DSCAML1: variants seen among roughly 807,000 people sequenced by gnomAD.
DSCAML1 encodes the protein cell adhesion molecule DSCAML1.
Under a neutral mutation model 200.5 loss-of-function variants are expected in DSCAML1, and 38 were observed. That is an observed-to-expected ratio of 0.19 (90% CI 0.15 to 0.25). DSCAML1 has a LOEUF of 0.25. Ranked by LOEUF, DSCAML1 falls within the 10% of genes least tolerant of loss-of-function variation. The pLI, the probability that DSCAML1 is intolerant of heterozygous loss-of-function variation, is 1.00. For missense variants in DSCAML1, 2,223 were observed against 2,858.8 expected (o/e 0.78, Z 5.07); for synonymous variants, 1,215 against 1,165.0 (o/e 1.04, Z -0.87).
At chr11:117,436,287 G>C (rs939702817) in intron 26 of DSCAML1, among the ~76,000 whole-genome samples, 1 of 152,108 alleles carries the variant, frequency 6.6e-6, no homozygotes, top group Admixed American at 6.5e-5. Flanking sequence ...CTGTTAACCT[G>C]GGGCTCCTGT....
chr11:117,568,109 C>G (rs915910630), intron 3 of DSCAML1, among the ~76,000 whole-genome samples: 2 of 152,118 alleles, frequency 1.3e-5, no homozygotes, highest in Non-Finnish European at 2.9e-5. Context: ...ATAAACAGAA[C>G]CAAAGACAAA....
rs558784871 is a variant in DSCAML1 at position 117,659,410 on chromosome 11, C to T, written c.511+117381G>A. Among the ~76,000 whole-genome samples, 8 of 152,274 alleles carry T rather than the reference C, an allele frequency of 5.3e-5. No individual in the cohort carries two copies. In the South Asian group the frequency reaches 1.7e-3, roughly 32 times the overall value. ...ACTGGGGCCAAAAGAGGTTAAGTGC[C>T]CTGATCAAGGGCGTATAGTTAACAG... On this transcript the variant is annotated intron_variant, in intron 3 of 32. Transcript: ENST00000651296.
intron 1 of DSCAML1, among the ~76,000 whole-genome samples, chr11:117,789,994 C>T (rs549682378): frequency 2.6e-5 from 4 of 152,278 alleles, no homozygotes; most frequent in Non-Finnish European, 4.4e-5. Flanking sequence ...AGATGCCTTC[C>T]AACCCTGCAA....
chr11:117,734,882 T>C (rs781635300), intron 3 of DSCAML1, among the ~76,000 whole-genome samples: 2 of 151,618 alleles, frequency 1.3e-5, no homozygotes, highest in African/African-American at 2.4e-5. Context: ...AGCAAAAGAG[T>C]GGGCCCAGGG....
At chr11:117,474,810 A>G (rs546394831) in intron 14 of DSCAML1, among the ~76,000 whole-genome samples, 40 of 148,368 alleles carry the variant, frequency 2.7e-4, no homozygotes, top group African/African-American at 8.5e-4. Context: ...GCTGGAGTGC[A>G]GTGGCGCGAT....
Position 117,780,484 on chromosome 11 carries a change from GTCC to G in DSCAML1, c.364+6_364+8del. ...GTGCCACTGGGGCAGCCAGTGTCTT[GTCC>G]CTTACCTGCTTTGACGCGGATGTTG... On this transcript the variant is annotated splice_donor_region_variant and intron_variant, in intron 2 of 32. Coordinates refer to ENST00000651296, the MANE Select transcript of DSCAML1 (RefSeq NM_020693.4). This position sits in a 1 kb window ranked among gnomAD's most constrained non-coding sequence, Gnocchi z 4.8. 1 of 1,443,182 alleles carries G rather than the reference GTCC, an allele frequency of 6.9e-7. No homozygotes were observed. Among genetic ancestry groups the G allele is most frequent in the African/African-American group, 1.4e-5 (1 of 69,264 alleles). 89.4% of individuals were successfully genotyped at this position (1,443,182 alleles called of 1,614,324 possible).
chr11:117,633,492 C>T (rs371130683), intron 3 of DSCAML1, among the ~76,000 whole-genome samples: 1 of 152,202 alleles, frequency 6.6e-6, no homozygotes, highest in South Asian at 2.1e-4. Context: ...CTGCTTTACA[C>T]TGAAAGCCTT....
intron 3 of DSCAML1, among the ~76,000 whole-genome samples, chr11:117,693,748 T>C (rs1429251388): frequency 6.6e-6 from 1 of 152,168 alleles, no homozygotes; most frequent in Non-Finnish European, 1.5e-5. Flanking sequence ...GGCTGTCCAA[T>C]CTAAGCCTCT....
Position 117,518,887 on chromosome 11 carries a change from A to G in DSCAML1, c.1214-125T>C, listed in dbSNP as rs1651966275. ...TAAGAGCAAACAAGAACTTTTGTGT[A>G]CATCAATTCTTCTGCTATCCGCAAC... On this transcript the variant is annotated intron_variant, in intron 6 of 32. Transcript: ENST00000651296. The surrounding 1 kb of genome is among the most constrained non-coding windows in gnomAD (Gnocchi z 6.3). 1 of 1,084,148 alleles carries G rather than the reference A, an allele frequency of 9.2e-7. No individual in the cohort carries two copies. 67.2% of individuals were successfully genotyped at this position (1,084,148 alleles called of 1,614,324 possible). A position where few individuals can be genotyped will look rare whatever the true frequency, so the allele number is the denominator to read the frequency against.
intron 3 of DSCAML1, among the ~76,000 whole-genome samples, chr11:117,601,671 C>T (rs1033519660): frequency 5.3e-5 from 8 of 152,286 alleles, no homozygotes; most frequent in Middle Eastern, 3.4e-3. Flanking sequence ...ATTTCTGCAG[C>T]CTTTTCTGAG....
chr11:117,521,502 G>T, intron 5 of DSCAML1, 97 bp from the exon 6 acceptor site: 1 of 1,331,748 alleles, frequency 7.5e-7, no homozygotes, highest in Non-Finnish European at 1.0e-6. Flanking sequence ...GTAGTTAGGG[G>T]TCACAAAAGG....
intron 5 of DSCAML1, 149 bp from the exon 6 acceptor site, chr11:117,521,554 G>T: frequency 1.3e-6 from 1 of 766,608 alleles, no homozygotes; most frequent in Non-Finnish European, 2.1e-6. Context: ...ACTGGGACTG[G>T]GGAATTCCTT....
chr11:117,482,308 G>T, intron 11 of DSCAML1, 146 bp from the exon 12 acceptor site: 1 of 913,318 alleles, frequency 1.1e-6, no homozygotes, highest in Non-Finnish European at 1.7e-6. Flanking sequence ...CCACTGGCCT[G>T]TCCCTTCTCC....
At chr11:117,598,157 C>T (rs1376804196) in intron 3 of DSCAML1, among the ~76,000 whole-genome samples, 1 of 152,248 alleles carries the variant, frequency 6.6e-6, no homozygotes, top group East Asian at 1.9e-4. Flanking sequence ...TCCCTCCCTT[C>T]TCCTCCACTG....
intron 3 of DSCAML1, among the ~76,000 whole-genome samples, chr11:117,695,838 C>A (rs2053579410): frequency 6.6e-6 from 1 of 152,202 alleles, no homozygotes; most frequent in Non-Finnish European, 1.5e-5. Context: ...TTAATTCAAG[C>A]AGCCTCAGTT....
intron 21 of DSCAML1, among the ~76,000 whole-genome samples, chr11:117,443,126 A>G (rs1446960996): frequency 6.6e-6 from 1 of 152,044 alleles, no homozygotes; most frequent in Admixed American, 6.5e-5. Flanking sequence ...AGAGTGGGGG[A>G]GTGAGGAGGG....
intron 1 of DSCAML1, among the ~76,000 whole-genome samples, chr11:117,808,404 C>A (rs1410180966): frequency 6.6e-6 from 1 of 152,168 alleles, no homozygotes; most frequent in Non-Finnish European, 1.5e-5. Flanking sequence ...ATAATAGGCG[C>A]ATGCCCGAAG....
At chr11:117,727,388 A>C (rs774245086) in intron 3 of DSCAML1, among the ~76,000 whole-genome samples, 6 of 152,164 alleles carry the variant, frequency 3.9e-5, no homozygotes, top group African/African-American at 7.2e-5. Flanking sequence ...CTCTCTCTCC[A>C]TCCGTCTTCA....
intron 3 of DSCAML1, among the ~76,000 whole-genome samples, chr11:117,624,755 T>C (rs1043397354): frequency 6.6e-6 from 1 of 152,156 alleles, no homozygotes; most frequent in Admixed American, 6.5e-5. Context: ...TGGGGTCAAA[T>C]GCAACCCCCA....
Sources: gnomAD v4.1 joint callset for allele counts (sites outside exome capture counted in the v4.1 genomes callset) on GRCh38, gnomAD v4.1.1 for gene constraint, Gnocchi (gnomAD v3.1) non-coding constraint, MANE v1.5 for transcripts, NCBI Gene and HGNC (gene_info 2026-07-23, HGNC 2026-07-21) for gene names.